Variants in IL1RAP observed in about 807,000 individuals in gnomAD.
IL1RAP encodes the protein interleukin 1 receptor accessory protein.
In IL1RAP, 35 loss-of-function variants were observed where a neutral mutation model predicts 60.7. The observed-to-expected ratio is 0.58, with a 90% confidence interval of 0.44 to 0.76. The LOEUF is 0.76. Among genes scored for constraint, IL1RAP ranks in the 30% least tolerant of loss-of-function variants. The pLI is 0.00. For synonymous variants in IL1RAP, 268 were observed against 250.9 expected, an observed-to-expected ratio of 1.07 and a Z score of -0.64; for missense variants, 572 against 693.9, an observed-to-expected ratio of 0.82 and a Z score of 1.97.
chr3:190,649,498 C>T lies in IL1RAP; in HGVS notation c.*793C>T. ...CAGGAGGCTCCATACTAGGTTCAGTCTGAAAGAAATCTCCTAATGGTGCTA... is the reference window on the plus strand; with the variant it reads ...CAGGAGGCTCCATACTAGGTTCAGTTTGAAAGAAATCTCCTAATGGTGCTA... On this transcript the variant is annotated 3_prime_UTR_variant, in exon 12 of 12. Coordinates refer to ENST00000447382, the MANE Select transcript of IL1RAP (RefSeq NM_002182.4). 1.0e-6 allele frequency: 1 copy of T among 985,808 alleles called. No homozygotes were observed. The highest frequency in any genetic ancestry group is 1.2e-6 in the Non-Finnish European group (1 of 829,910). The allele number at this position is 985,808 out of a possible 1,614,324, so 61.1% of individuals were successfully genotyped here.
chr3:190,586,811 C>T (rs10513853), intron 3 of IL1RAP, among the ~76,000 whole-genome samples: 2,813 of 149,542 alleles, frequency 0.019, 90 homozygotes, highest in African/African-American at 0.069. Context: ...AAGGTAGCTT[C>T]GGAGTCTCCA....
At chr3:190,643,257 A>G (rs1162031908) in intron 9 of IL1RAP, among the ~76,000 whole-genome samples, 1 of 152,234 alleles carries the variant, frequency 6.6e-6, no homozygotes, top group Non-Finnish European at 1.5e-5. Flanking sequence ...AAAAGCTTAT[A>G]TAAAATAATG....
At chr3:190,551,416 G>C (rs1724852377) in intron 1 of IL1RAP, among the ~76,000 whole-genome samples, 2 of 152,158 alleles carry the variant, frequency 1.3e-5, no homozygotes, top group South Asian at 4.1e-4. Context: ...AAATTCTAGA[G>C]GAACCAGGCA....
At chr3:190,645,863 CAA>C (rs1560242809) in intron 11 of IL1RAP, 21 bp downstream of exon 11, 2 of 1,598,570 alleles carry the variant, frequency 1.3e-6, no homozygotes, top group Non-Finnish European at 1.7e-6. Flanking sequence ...CAGAGGAGTA[CAA>C]ATGATGCTAC....
At chr3:190,591,164 G>T (rs146397111) in intron 3 of IL1RAP, among the ~76,000 whole-genome samples, 12 of 152,300 alleles carry the variant, frequency 7.9e-5, no homozygotes, top group African/African-American at 2.6e-4. Context: ...AAGTGAAAAA[G>T]AGAGAAATAT....
intron 3 of IL1RAP, among the ~76,000 whole-genome samples, chr3:190,586,462 G>C (rs775877384): frequency 5.3e-5 from 8 of 152,170 alleles, no homozygotes; most frequent in Non-Finnish European, 1.0e-4. Context: ...GTGACAGGGG[G>C]CTCTGATGTG....
intron 3 of IL1RAP, among the ~76,000 whole-genome samples, chr3:190,567,308 G>T (rs1484955961): frequency 2.0e-5 from 3 of 152,132 alleles, no homozygotes; most frequent in Non-Finnish European, 4.4e-5. Flanking sequence ...AGGAATTAAA[G>T]CTTGGATAAT....
rs549924869 is a variant in IL1RAP at position 190,550,521 on chromosome 3, C to T, written c.-88-5609C>T. Reference sequence around the variant, plus strand: ...CAGATAACTGGTGGGTATAGTTATGCTTGCTAAGATTTGGGTGCATGGCGC... The same window carrying T: ...CAGATAACTGGTGGGTATAGTTATGTTTGCTAAGATTTGGGTGCATGGCGC... On this transcript the variant is annotated intron_variant, in intron 1 of 11. Transcript: ENST00000447382. The T allele has an allele frequency of 2.0e-5, 3 of 152,406 alleles. No homozygotes were observed. The East Asian group carries it at 5.8e-4, about 29-fold the overall frequency. 9.4% of individuals were successfully genotyped at this position (152,406 alleles called of 1,614,324 possible).
intron 9 of IL1RAP, among the ~76,000 whole-genome samples, chr3:190,642,825 T>C (rs1733753639): frequency 6.6e-6 from 1 of 152,194 alleles, no homozygotes; most frequent in Non-Finnish European, 1.5e-5. Flanking sequence ...TGGCAAATGG[T>C]AGATGTCAAT....
At chr3:190,633,355 A>G (rs1418169745) in intron 9 of IL1RAP, among the ~76,000 whole-genome samples, 1 of 152,060 alleles carries the variant, frequency 6.6e-6, no homozygotes, top group Non-Finnish European at 1.5e-5. Context: ...TTGTAATAGT[A>G]CTTTTATTTA....
At chr3:190,637,304 C>T (rs1292650635) in intron 9 of IL1RAP, among the ~76,000 whole-genome samples, 1 of 152,108 alleles carries the variant, frequency 6.6e-6, no homozygotes, top group Non-Finnish European at 1.5e-5. Context: ...GACAAATTCT[C>T]TCAGCTTTGT....
Position 190,540,704 on chromosome 3 carries a change from T to G in IL1RAP, c.-88-15426T>G, listed in dbSNP as rs567700056. ...TTTAGGAGCTGTTGGGGAAATAAAA[T>G]TTAAAACCAAAGTCTCCCAACTGAG... On this transcript the variant is annotated intron_variant, in intron 1 of 11. Transcript: ENST00000447382. Among the ~76,000 whole-genome samples the G allele has an allele frequency of 7.9e-5, 12 of 152,148 alleles. No homozygotes were observed. In the South Asian group the frequency reaches 1.0e-3, roughly 13 times the overall value.
chr3:190,618,482 CTGT>C (rs1177121571), intron 5 of IL1RAP, among the ~76,000 whole-genome samples: 1 of 152,152 alleles, frequency 6.6e-6, no homozygotes, highest in Non-Finnish European at 1.5e-5. Flanking sequence ...CAGCTCTCTA[CTGT>C]GTTATCTAGA....
chr3:190,646,209 A>AT (rs34384041), intron 11 of IL1RAP, among the ~76,000 whole-genome samples: 6,978 of 151,852 alleles, frequency 0.046, 372 homozygotes, highest in East Asian at 0.27. Flanking sequence ...AAGACTGAGA[A>AT]TTTTTTTTTA....
chr3:190,600,463 C>T (rs1729760279), intron 3 of IL1RAP, among the ~76,000 whole-genome samples: 1 of 152,164 alleles, frequency 6.6e-6, no homozygotes, highest in Non-Finnish European at 1.5e-5. Flanking sequence ...CTGCATGTGC[C>T]AGGATAGATT....
At chr3:190,553,749 G>A (rs1438874918) in intron 1 of IL1RAP, among the ~76,000 whole-genome samples, 3 of 152,182 alleles carry the variant, frequency 2.0e-5, no homozygotes, top group Non-Finnish European at 4.4e-5. Context: ...AGAAGTCTGA[G>A]GTTGAGAAGG....
At chr3:190,632,236 C>T (rs897055444) in intron 9 of IL1RAP, among the ~76,000 whole-genome samples, 4 of 152,176 alleles carry the variant, frequency 2.6e-5, no homozygotes, top group Non-Finnish European at 5.9e-5. Flanking sequence ...AAATTCCAGG[C>T]GCTCTATTTC....
intron 9 of IL1RAP, among the ~76,000 whole-genome samples, chr3:190,632,489 C>T (rs548398071): frequency 7.9e-5 from 12 of 152,178 alleles, no homozygotes; most frequent in South Asian, 2.1e-4. Context: ...TAGACACAGA[C>T]GCATATATAT....
At chr3:190,613,940 T>A (rs762776101) in intron 5 of IL1RAP, among the ~76,000 whole-genome samples, 3 of 152,100 alleles carry the variant, frequency 2.0e-5, no homozygotes, top group Non-Finnish European at 2.9e-5. Context: ...GGTAATCAAC[T>A]GACACCTTTA....
Sources: gnomAD v4.1 joint callset for allele counts (sites outside exome capture counted in the v4.1 genomes callset) on GRCh38, gnomAD v4.1.1 for gene constraint, MANE v1.5 for transcripts, NCBI Gene and HGNC (gene_info 2026-07-23, HGNC 2026-07-21) for gene names.